Variants in SDK1 observed in about 807,000 individuals in gnomAD.
SDK1 encodes protein sidekick-1.
In SDK1, 157 loss-of-function variants were observed where a neutral mutation model predicts 245.5. The observed-to-expected ratio is 0.64, with a 90% CI of 0.56 to 0.73. The LOEUF (loss-of-function observed/expected upper bound fraction) is 0.73. SDK1 is among the 30% of genes least tolerant of loss of function. The pLI is 0.00. For synonymous variants in SDK1, 1,647 were observed against 1,278.5 expected (o/e 1.29, Z -6.15); for missense variants, 3,583 against 3,002.3 (o/e 1.19, Z -4.52).
chr7:3,603,884 A>G (rs1347910962), intron 1 of SDK1, among the ~76,000 whole-genome samples: 2 of 152,164 alleles, frequency 1.3e-5, no homozygotes, highest in African/African-American at 4.8e-5. Context: ...TGAGAGTTTT[A>G]ACATGAATGG....
chr7:3,465,854 C>T (rs1441376878), intron 1 of SDK1, among the ~76,000 whole-genome samples: 3 of 152,114 alleles, frequency 2.0e-5, no homozygotes, highest in Admixed American at 6.5e-5. Flanking sequence ...CTCCAAGCAG[C>T]CATAGGGACG....
At chr7:3,524,466 G>A (rs551048787) in intron 1 of SDK1, among the ~76,000 whole-genome samples, 4 of 152,132 alleles carry the variant, frequency 2.6e-5, no homozygotes, top group Non-Finnish European at 5.9e-5. Context: ...AGGAAGTATA[G>A]GATTGGGGAA....
chr7:4,160,532 C>T (rs1363910506), intron 31 of SDK1, among the ~76,000 whole-genome samples: 1 of 152,198 alleles, frequency 6.6e-6, no homozygotes, highest in African/African-American at 2.4e-5. Flanking sequence ...TATTGTCTTA[C>T]ACTATCTAGA....
chr7:3,974,324 G>T (rs371974966), intron 12 of SDK1, 45 bp from the exon 13 acceptor site: 11 of 1,539,726 alleles, frequency 7.1e-6, no homozygotes, highest in Non-Finnish European at 8.9e-6. Flanking sequence ...CAGTGATTCT[G>T]TCACTGTGGG....
chr7:4,036,395 A>G (rs1330933489), intron 17 of SDK1, among the ~76,000 whole-genome samples: 1 of 152,246 alleles, frequency 6.6e-6, no homozygotes, highest in Non-Finnish European at 1.5e-5. Flanking sequence ...AGGTATTTCA[A>G]AATAATGGGC....
intron 1 of SDK1, among the ~76,000 whole-genome samples, chr7:3,493,692 T>C (rs1161376002): frequency 6.6e-6 from 1 of 152,228 alleles, no homozygotes; most frequent in Non-Finnish European, 1.5e-5. Context: ...AATTTCTCTC[T>C]TGCAAGGTTA....
intron 4 of SDK1, among the ~76,000 whole-genome samples, chr7:3,708,065 C>T (rs183877394): frequency 2.6e-5 from 4 of 152,232 alleles, no homozygotes; most frequent in Admixed American, 1.3e-4. Flanking sequence ...TGATGCTGCT[C>T]AGCTTCTGGG....
intron 1 of SDK1, among the ~76,000 whole-genome samples, chr7:3,410,139 C>G (rs1256992713): frequency 1.3e-5 from 2 of 152,130 alleles, no homozygotes; most frequent in Non-Finnish European, 2.9e-5. Context: ...CATTTTAATT[C>G]AGTATCCCTT....
At chr7:4,186,266 T>C (rs1487734643) in intron 35 of SDK1, among the ~76,000 whole-genome samples, 2 of 152,142 alleles carry the variant, frequency 1.3e-5, no homozygotes, top group African/African-American at 2.4e-5. Context: ...CTGGGGGTCC[T>C]GGCACAGACA....
intron 1 of SDK1, among the ~76,000 whole-genome samples, chr7:3,431,637 T>A (rs1779850712): frequency 2.0e-5 from 3 of 152,168 alleles, no homozygotes; most frequent in African/African-American, 4.8e-5. Flanking sequence ...TTTATTGTAA[T>A]CTACTTTCAG....
intron 1 of SDK1, among the ~76,000 whole-genome samples, chr7:3,578,020 G>A (rs1204654877): frequency 6.6e-6 from 1 of 152,012 alleles, no homozygotes; most frequent in African/African-American, 2.4e-5. Flanking sequence ...AGGTGGCAAT[G>A]TTTCTTTCTT....
At chr7:3,718,021 C>T (rs1340661193) in intron 4 of SDK1, among the ~76,000 whole-genome samples, 1 of 151,206 alleles carries the variant, frequency 6.6e-6, no homozygotes, top group Non-Finnish European at 1.5e-5. Flanking sequence ...ATTCTCAACA[C>T]AGTAATGGCA....
intron 1 of SDK1, among the ~76,000 whole-genome samples, chr7:3,610,216 G>C (rs1053235541): frequency 6.6e-6 from 1 of 152,120 alleles, no homozygotes; most frequent in African/African-American, 2.4e-5. Flanking sequence ...CAGTTTTTAT[G>C]GCAGTACATA....
At chr7:3,850,338 G>C (rs938089711) in intron 5 of SDK1, among the ~76,000 whole-genome samples, 2 of 152,202 alleles carry the variant, frequency 1.3e-5, no homozygotes, top group African/African-American at 2.4e-5. Flanking sequence ...ACGTTGCTTG[G>C]CATGGAGTAA....
At chr7:3,857,430 C>G (rs1339341809) in intron 5 of SDK1, among the ~76,000 whole-genome samples, 2 of 152,106 alleles carry the variant, frequency 1.3e-5, no homozygotes. Context: ...CACCTGTAAT[C>G]CCAGCACTTT....
intron 5 of SDK1, among the ~76,000 whole-genome samples, chr7:3,828,674 G>C (rs1471708893): frequency 6.5e-4 from 38 of 58,356 alleles, no homozygotes; most frequent in Admixed American, 1.9e-3. Context: ...TTGTTTTTTT[G>C]ACACAAGGAC....
intron 22 of SDK1, among the ~76,000 whole-genome samples, chr7:4,101,231 T>C (rs1350251755): frequency 6.7e-5 from 10 of 148,892 alleles, no homozygotes; most frequent in Non-Finnish European, 1.5e-4. Flanking sequence ...AAGCTCCGCC[T>C]CCCGGGTTCA....
intron 1 of SDK1, among the ~76,000 whole-genome samples, chr7:3,573,387 G>A (rs1281021290): frequency 1.3e-5 from 2 of 152,086 alleles, no homozygotes; most frequent in African/African-American, 4.8e-5. Context: ...ACCCTTCTCT[G>A]CTGGGCCAGC....
chr7:3,393,627 A>C (rs1447264617), intron 1 of SDK1, among the ~76,000 whole-genome samples: 1 of 152,164 alleles, frequency 6.6e-6, no homozygotes, highest in Non-Finnish European at 1.5e-5. Flanking sequence ...AGTTAAAATG[A>C]ATGTGATTCT....
Sources: gnomAD v4.1 joint callset for allele counts (sites outside exome capture counted in the v4.1 genomes callset) on GRCh38, gnomAD v4.1.1 for gene constraint, MANE v1.5 for transcripts, NCBI Gene and HGNC (gene_info 2026-07-23, HGNC 2026-07-21) for gene names.